Variants in UGCG observed in about 807,000 individuals in gnomAD.
The protein encoded by UGCG is UDP-glucose ceramide glucosyltransferase.
UGCG carries 10 observed loss-of-function variants against 49.5 expected under a neutral mutation model. That is an observed-to-expected ratio of 0.20 (90% confidence interval 0.12 to 0.34). UGCG has a LOEUF of 0.34. Ranked by LOEUF, UGCG falls within the 10% of genes least tolerant of loss-of-function variation. UGCG has a pLI of 1.00. For synonymous variants in UGCG, 182 were observed against 158.2 expected, an observed-to-expected ratio of 1.15 and a Z score of -1.13; for missense variants, 312 against 483.7, an observed-to-expected ratio of 0.65 and a Z score of 3.33.
rs1476932275 is a variant in UGCG, at chr9:111,897,231, C to T, written c.16C>T (p.Leu6=). 1 of 1,550,420 alleles carries T rather than the reference C, an allele frequency of 6.4e-7. No homozygotes were observed. Residue 6 remains leucine (L), a synonymous_variant, in exon 1 of 9, where the codon CTG becomes TTG. Coordinates refer to ENST00000374279, the MANE Select transcript of UGCG (RefSeq NM_003358.3). MALLD[L]ALEGMAVFGF... ...GGGCCGGGGGATGGCGCTGCTGGAC[C>T]TGGCCTTGGAGGGAATGGCCGTCTT...
chr9:111,899,901 T>C (rs1837736486), intron 1 of UGCG, among the ~76,000 whole-genome samples: 2 of 152,204 alleles, frequency 1.3e-5, no homozygotes, highest in Admixed American at 1.3e-4. Context: ...TATTATAAAC[T>C]AAATTCTGCT....
intron 1 of UGCG, 78 bp downstream of exon 1, chr9:111,897,391 C>A: frequency 8.4e-7 from 1 of 1,197,572 alleles, no homozygotes; most frequent in Non-Finnish European, 1.2e-6. Context: ...AACGTTTGCG[C>A]TTTGAAGGGG....
At chr9:111,922,194 G>A (rs1233785198) in intron 2 of UGCG, among the ~76,000 whole-genome samples, 2 of 151,954 alleles carry the variant, frequency 1.3e-5, no homozygotes, top group Admixed American at 1.3e-4. Context: ...CATAGCACTG[G>A]GCAAAATAAA....
intron 3 of UGCG, 39 bp downstream of exon 3, chr9:111,922,990 A>ACTTAATACTATCAAT: frequency 1.9e-5 from 25 of 1,317,594 alleles, no homozygotes; most frequent in Non-Finnish European, 2.5e-5. Context: ...TTCCATTGAT[A>ACTTAATACTATCAAT]GTATTAAGTA....
At chr9:111,911,116 C>G (rs1837988538) in intron 1 of UGCG, among the ~76,000 whole-genome samples, 1 of 152,132 alleles carries the variant, frequency 6.6e-6, no homozygotes, top group South Asian at 2.1e-4. Flanking sequence ...CATCTTCCCT[C>G]TATGGACCAG....
intron 7 of UGCG, among the ~76,000 whole-genome samples, chr9:111,931,780 G>A (rs148996350): frequency 7.9e-5 from 12 of 152,156 alleles, no homozygotes; most frequent in African/African-American, 2.6e-4. Flanking sequence ...TAATCCCAGC[G>A]CTTTGGGAGG....
chr9:111,925,220 T>A (rs1838295940), intron 4 of UGCG, among the ~76,000 whole-genome samples: 1 of 152,214 alleles, frequency 6.6e-6, no homozygotes, highest in Admixed American at 6.5e-5. Context: ...TCGGCTTGCG[T>A]AATACACCGT....
chr9:111,910,969 A>G (rs1464923761), intron 1 of UGCG, among the ~76,000 whole-genome samples: 1 of 151,796 alleles, frequency 6.6e-6, no homozygotes, highest in Non-Finnish European at 1.5e-5. Flanking sequence ...CTGGTCTCAA[A>G]CTCCTGACCT....
chr9:111,918,167 G>A (rs10817237), intron 2 of UGCG, among the ~76,000 whole-genome samples: 51,609 of 151,792 alleles, frequency 0.34, 9,150 homozygotes, highest in Admixed American at 0.42. Flanking sequence ...TCAGCCTCCC[G>A]AGAAGTTGGG....
Position 111,926,366 on chromosome 9 carries a change from CT to C in UGCG, c.446-10del, listed in dbSNP as rs754101475. The stretch of plus-strand genomic sequence containing the variant: ...AATTTTCTTTTCTCCCCCTCTCTGC[CT>C]TTTTTTTAAATTGTAGTAATTCCAG... On this transcript the variant is annotated splice_polypyrimidine_tract_variant and intron_variant, in intron 4 of 8. Coordinates refer to ENST00000374279, the MANE Select transcript of UGCG (RefSeq NM_003358.3). 5.3e-5 allele frequency: 83 copies of C among 1,566,356 alleles called. No homozygotes were observed. Among genetic ancestry groups the C allele is most frequent in the Admixed American group, 2.0e-4 (11 of 55,742 alleles).
intron 1 of UGCG, among the ~76,000 whole-genome samples, chr9:111,908,982 G>A (rs1474484806): frequency 3.3e-5 from 5 of 152,104 alleles, no homozygotes; most frequent in African/African-American, 4.8e-5. Context: ...GCAGTGGTGC[G>A]ATCTCGGCTC....
intron 6 of UGCG, 64 bp downstream of exon 6, chr9:111,929,742 G>C: frequency 1.9e-6 from 3 of 1,574,610 alleles, no homozygotes; most frequent in Non-Finnish European, 2.6e-6. Context: ...TATTCTTTTT[G>C]TTCAACCTAT....
chr9:111,916,165 A>C (rs1346523999), intron 2 of UGCG, among the ~76,000 whole-genome samples: 5 of 152,226 alleles, frequency 3.3e-5, no homozygotes, highest in Non-Finnish European at 7.3e-5. Context: ...TGCAGTAAGA[A>C]AAATGGGAGA....
chr9:111,913,124 G>C (rs948278251), intron 1 of UGCG, among the ~76,000 whole-genome samples: 12 of 152,178 alleles, frequency 7.9e-5, no homozygotes, highest in African/African-American at 2.9e-4. Flanking sequence ...AGTTCTCATT[G>C]GTTGATTTTC....
chr9:111,906,829 C>T (rs911790272), intron 1 of UGCG, among the ~76,000 whole-genome samples: 1 of 152,182 alleles, frequency 6.6e-6, no homozygotes, highest in African/African-American at 2.4e-5. Context: ...CCTGCCTGTA[C>T]TTTATTCTCT....
Position 111,932,251 on chromosome 9 carries a change from T to A in UGCG, c.906T>A (p.Ile302=). 3.1e-6 allele frequency: 5 copies of A among 1,614,138 alleles called. No homozygotes were observed. Among genetic ancestry groups the A allele is most frequent in the Non-Finnish European group, 4.2e-6 (5 of 1,180,006 alleles). The change falls in exon 8 of 9, where the codon ATT becomes ATA. Residue 302 remains isoleucine, a synonymous_variant. Transcript: ENST00000374279. ...PISECFVASL[I]IGWAAHHVFR... is the part of the protein sequence containing the mutation. ...CAGAATGCTTTGTTGCCAGTTTAAT[T>A]ATTGGATGGGCAGCCCACCATGTGT...
Position 111,933,056 on chromosome 9 carries a change from A to G in UGCG, c.*59A>G. ...GAGAAGTATTATAAATTATGTTTATATAAATGCTTTTAAAAATCTACCTTC... is the reference window on the plus strand; with the variant it reads ...GAGAAGTATTATAAATTATGTTTATGTAAATGCTTTTAAAAATCTACCTTC... On this transcript the variant is annotated 3_prime_UTR_variant, in exon 9 of 9. Coordinates refer to ENST00000374279, the MANE Select transcript of UGCG (RefSeq NM_003358.3). 2.3e-6 allele frequency: 3 copies of G among 1,323,238 alleles called. No homozygotes were observed. Among genetic ancestry groups the G allele is most frequent in the Non-Finnish European group, 2.9e-6 (3 of 1,024,136 alleles). 82.0% of individuals were successfully genotyped at this position (1,323,238 alleles called of 1,614,324 possible). A position where few individuals can be genotyped will look rare whatever the true frequency, so the allele number is the denominator to read the frequency against.
At chr9:111,929,743 T>A in intron 6 of UGCG, 65 bp downstream of exon 6, 1 of 1,575,664 alleles carries the variant, frequency 6.3e-7, no homozygotes, top group Non-Finnish European at 8.6e-7. Context: ...ATTCTTTTTG[T>A]TCAACCTATA....
intron 6 of UGCG, 120 bp downstream of exon 6, chr9:111,929,798 A>T: frequency 8.9e-7 from 1 of 1,119,976 alleles, no homozygotes; most frequent in Non-Finnish European, 1.3e-6. Context: ...GCTAGTAAGT[A>T]CAGAATAGGT....
Sources: gnomAD v4.1 joint callset for allele counts (sites outside exome capture counted in the v4.1 genomes callset) on GRCh38, gnomAD v4.1.1 for gene constraint, MANE v1.5 for transcripts, NCBI Gene and HGNC (gene_info 2026-07-23, HGNC 2026-07-21) for gene names.